The following ENTREP2 variants were observed in gnomAD, a reference collection of about 807,000 sequenced individuals.
ENTREP2 encodes the protein endosomal transmembrane epsin interactor 2, also known as protein ENTREP2.
At chr15:29,393,750 A>T in the ENTREP2 span, among the ~76,000 whole-genome samples, 34 of 20,476 alleles carry the variant, frequency 1.7e-3, no homozygotes, top group Admixed American at 5.1e-3. Flanking sequence ...ATTTTTTTTT[A>T]AATTAACAAA....
chr15:29,204,234 G>T, the ENTREP2 span, among the ~76,000 whole-genome samples: 1 of 152,146 alleles, frequency 6.6e-6, no homozygotes, highest in African/African-American at 2.4e-5. Context: ...TCTCTTTGGG[G>T]CACTTAACAG....
At chr15:29,288,627 A>G in the ENTREP2 span, among the ~76,000 whole-genome samples, 1 of 152,220 alleles carries the variant, frequency 6.6e-6, no homozygotes, top group Non-Finnish European at 1.5e-5. Context: ...ACAGTCACCT[A>G]TAGTATTCAG....
chr15:29,404,540 C>A, the ENTREP2 span, among the ~76,000 whole-genome samples: 11 of 151,978 alleles, frequency 7.2e-5, no homozygotes, highest in African/African-American at 2.7e-4. Context: ...CACCCTCCTG[C>A]CTTGGCCGCC....
At chr15:29,234,044 C>T in the ENTREP2 span, 12 of 1,459,790 alleles carry the variant, frequency 8.2e-6, no homozygotes, top group East Asian at 2.7e-4. Flanking sequence ...TCTTCCTCAT[C>T]CTCTATTGCT....
chr15:29,243,009 A>G, the ENTREP2 span, among the ~76,000 whole-genome samples: 2 of 152,234 alleles, frequency 1.3e-5, no homozygotes, highest in Non-Finnish European at 2.9e-5. Context: ...ACTGCAGGCT[A>G]GCGAAGCTGG....
the ENTREP2 span, among the ~76,000 whole-genome samples, chr15:29,521,634 G>C: frequency 3.3e-5 from 5 of 152,120 alleles, no homozygotes; most frequent in Non-Finnish European, 5.9e-5. Context: ...TTAGATTGCA[G>C]AGTAAGAGTC....
At chr15:29,422,528 C>A in the ENTREP2 span, among the ~76,000 whole-genome samples, 45 of 152,246 alleles carry the variant, frequency 3.0e-4, no homozygotes, top group East Asian at 8.3e-3. Context: ...AGCAAGTTTG[C>A]GTGTTAAATA....
chr15:29,611,463 C>T, the ENTREP2 span, among the ~76,000 whole-genome samples: 9 of 152,236 alleles, frequency 5.9e-5, no homozygotes, highest in East Asian at 5.8e-4. Flanking sequence ...CATCCCCTAG[C>T]GTCTAATGGA....
chr15:29,535,960 G>A, the ENTREP2 span, among the ~76,000 whole-genome samples: 2 of 152,250 alleles, frequency 1.3e-5, no homozygotes, highest in South Asian at 4.1e-4. Flanking sequence ...CCAAAGGCAG[G>A]GAGGCAGACC....
chr15:29,491,591 G>C, the ENTREP2 span, among the ~76,000 whole-genome samples: 2 of 152,130 alleles, frequency 1.3e-5, no homozygotes, highest in Non-Finnish European at 2.9e-5. Flanking sequence ...AAATGGAAGG[G>C]CAAAGTAAAT....
At chr15:29,462,594 G>A in the ENTREP2 span, among the ~76,000 whole-genome samples, 1 of 151,916 alleles carries the variant, frequency 6.6e-6, no homozygotes, top group Non-Finnish European at 1.5e-5. Flanking sequence ...TAGGCAACAA[G>A]AGCGAAATTC....
the ENTREP2 span, among the ~76,000 whole-genome samples, chr15:29,284,183 T>C: frequency 2.6e-5 from 4 of 152,212 alleles, no homozygotes; most frequent in Non-Finnish European, 5.9e-5. Context: ...AGACACATCC[T>C]TACAAAGCTG....
the ENTREP2 span, among the ~76,000 whole-genome samples, chr15:29,359,231 G>A: frequency 1.3e-5 from 2 of 152,100 alleles, no homozygotes; most frequent in Admixed American, 6.5e-5. Context: ...GAACACGAAG[G>A]AGTGTTTTCT....
At chr15:29,574,323 C>T in the ENTREP2 span, among the ~76,000 whole-genome samples, 1 of 152,110 alleles carries the variant, frequency 6.6e-6, no homozygotes, top group Admixed American at 6.6e-5. Context: ...AAGACAGAGT[C>T]TCAGTCTGTC....
the ENTREP2 span, among the ~76,000 whole-genome samples, chr15:29,575,939 C>A: frequency 1.3e-5 from 2 of 152,132 alleles, no homozygotes; most frequent in East Asian, 3.8e-4. Context: ...AAAGCAATCC[C>A]TATCAAAACT....
the ENTREP2 span, among the ~76,000 whole-genome samples, chr15:29,540,085 C>T: frequency 1.3e-5 from 2 of 152,262 alleles, no homozygotes; most frequent in Non-Finnish European, 1.5e-5. Context: ...TGCCTCCCTG[C>T]ACCCCATACT....
the ENTREP2 span, among the ~76,000 whole-genome samples, chr15:29,200,354 T>G: frequency 6.6e-6 from 1 of 152,288 alleles, no homozygotes; most frequent in South Asian, 2.1e-4. Context: ...TTTTGTATTT[T>G]TAGTAGAGAC....
the ENTREP2 span, among the ~76,000 whole-genome samples, chr15:29,410,449 A>G: frequency 6.6e-6 from 1 of 151,830 alleles, no homozygotes; most frequent in Non-Finnish European, 1.5e-5. Context: ...CTGGGGCAAC[A>G]GAGACTTGAG....
the ENTREP2 span, among the ~76,000 whole-genome samples, chr15:29,553,415 C>T: frequency 6.6e-6 from 1 of 152,138 alleles, no homozygotes; most frequent in African/African-American, 2.4e-5. Context: ...TGGAACTCAG[C>T]AAAATGATAC....
Sources: allele counts gnomAD v4.1 joint callset (sites outside exome capture counted in the v4.1 genomes callset), GRCh38; gene constraint gnomAD v4.1.1; transcripts MANE v1.5; gene names NCBI Gene and HGNC (gene_info 2026-07-23, HGNC 2026-07-21).